CNTRL: variants seen among roughly 807,000 people sequenced by gnomAD.
CNTRL encodes the protein 110 kDa centrosomal protein.
CNTRL carries 233 observed loss-of-function variants against 303.7 expected under a neutral mutation model. The observed-to-expected ratio is 0.77, with a 90% CI of 0.69 to 0.86. CNTRL has a LOEUF of 0.86. Among genes scored for constraint, CNTRL ranks in the 40% least tolerant of loss-of-function variants. The probability of loss-of-function intolerance (pLI) is 0.00; values close to 1 mark genes in which losing one functional copy is unlikely to be tolerated. For synonymous variants in CNTRL, 900 were observed against 922.2 expected (o/e 0.98, Z 0.44); for missense variants, 2,524 against 2,650.6 (o/e 0.95, Z 1.05).
chr9:121,140,646 C>G lies in CNTRL; in HGVS notation c.2343C>G (p.Asp781Glu), dbSNP rs768193541. Residue 781 changes from aspartate to glutamate, a missense_variant, in exon 17 of 44, where the codon GAC (aspartate) becomes GAG (glutamate). Physicochemically the swap from Asp to Glu is conservative, Grantham distance 45 (BLOSUM62 2). Transcript: ENST00000373855. ...LHAKLKHLQD[D>E]NNLLKQQLKD... ...TATTTCATCCCCCTCCATAGGATGA[C>G]AATAATCTGTTAAAACAGCAACTTA... is the stretch of plus-strand genomic sequence containing the variant. The G allele has an allele frequency of 4.4e-6, 7 of 1,608,560 alleles. No individual in the cohort carries two copies. The highest frequency in any genetic ancestry group is 1.3e-5 in the African/African-American group (1 of 74,800).
chr9:121,171,699 T>A, intron 40 of CNTRL, 151 bp downstream of exon 40: 2 of 660,792 alleles, frequency 3.0e-6, no homozygotes, highest in Non-Finnish European at 4.6e-6. Context: ...TTTTTAGCCT[T>A]AAAATTTAGA....
At position 121,141,471 on chromosome 9, in the gene CNTRL, A is replaced by G. The variant is rs1212233668; in HGVS notation, c.2574A>G (p.Arg858=). The stretch of plus-strand genomic sequence containing the variant: ...TTCTTGCACGCTCCAAGTGGGAAAG[A>G]GATGAAGCACAAGTTAGAGAGAGAA... ...SEILARSKWE[R]DEAQVRERKL... Residue 858 remains arginine (R), a synonymous_variant, in exon 18 of 44, where the codon AGA becomes AGG. Coordinates refer to ENST00000373855, the MANE Select transcript of CNTRL (RefSeq NM_007018.6). The G allele has an allele frequency of 6.2e-7, 1 of 1,614,112 alleles. No individual in the cohort carries two copies. Among genetic ancestry groups the G allele is most frequent in the Middle Eastern group, 1.6e-4 (1 of 6,062 alleles).
Position 121,075,047 on chromosome 9 carries a change from G to A in CNTRL, c.-225G>A, listed in dbSNP as rs1373297629. On this transcript the variant is annotated 5_prime_UTR_variant, in exon 1 of 44. Transcript: ENST00000373855. ...CCGCTCTACCTCAGCCTGCGGGACT[G>A]CTCGGCTCGGCTTCTAGGCGGTGAG... is the stretch of plus-strand genomic sequence containing the variant. The A allele has an allele frequency of 2.3e-6, 1 of 431,798 alleles. No homozygotes were observed. Among genetic ancestry groups the A allele is most frequent in the Non-Finnish European group, 4.7e-6 (1 of 211,478 alleles). The allele number at this position is 431,798 out of a possible 1,614,324, so 26.7% of individuals were successfully genotyped here. A position where few individuals can be genotyped will look rare whatever the true frequency, so the allele number is the denominator to read the frequency against.
chr9:121,091,487 A>T (rs558460713), intron 4 of CNTRL, among the ~76,000 whole-genome samples: 29 of 152,332 alleles, frequency 1.9e-4, no homozygotes, highest in Middle Eastern at 3.4e-3. Flanking sequence ...AAATATTGAC[A>T]GATTTAGCCT....
intron 39 of CNTRL, among the ~76,000 whole-genome samples, chr9:121,170,136 G>A (rs1263007224): frequency 2.6e-5 from 4 of 152,042 alleles, no homozygotes; most frequent in Admixed American, 6.6e-5. Flanking sequence ...GGGTGTTGAA[G>A]AAGCCTTCTC....
intron 7 of CNTRL, among the ~76,000 whole-genome samples, chr9:121,104,924 G>A (rs942751050): frequency 6.6e-6 from 1 of 151,986 alleles, no homozygotes; most frequent in Non-Finnish European, 1.5e-5. Context: ...GGGTCAGGCT[G>A]GTCTTGAACT....
chr9:121,095,066 TAG>T lies in CNTRL; in HGVS notation c.479+53_479+54del, dbSNP rs2048832163. On this transcript the variant is annotated intron_variant, in intron 5 of 43. Transcript: ENST00000373855. Reference sequence around the variant, plus strand: ...TAGGCAGCATTGCAGATAGCTTTGTTAGAGAGGTAGATTAATGTTATCCACAT... The same window carrying T: ...TAGGCAGCATTGCAGATAGCTTTGTTAGAGGTAGATTAATGTTATCCACAT... 22 of 1,429,856 alleles carry T rather than the reference TAG, an allele frequency of 1.5e-5. No individual in the cohort carries two copies. In the East Asian group the frequency reaches 5.0e-4, roughly 33 times the overall value. 88.6% of individuals were successfully genotyped at this position (1,429,856 alleles called of 1,614,324 possible). A position where few individuals can be genotyped will look rare whatever the true frequency, so the allele number is the denominator to read the frequency against.
Position 121,088,313 on chromosome 9 carries a change from G to A in CNTRL, c.-14G>A. 2 of 1,536,810 alleles carry A rather than the reference G, an allele frequency of 1.3e-6. No individual in the cohort carries two copies. Among genetic ancestry groups the A allele is most frequent in the South Asian group, 1.1e-5 (1 of 89,008 alleles). The stretch of plus-strand genomic sequence containing the variant: ...TCTTACAGGTTTTGATGAACACCTG[G>A]CTTTATTCTTGCAATGAAGAAAGGT... On this transcript the variant is annotated 5_prime_UTR_variant, in exon 3 of 44. An upstream open reading frame in the 5' UTR gains an earlier in-frame stop. Transcript: ENST00000373855.
At chr9:121,135,041 C>T (rs1238847487) in intron 14 of CNTRL, among the ~76,000 whole-genome samples, 1 of 152,194 alleles carries the variant, frequency 6.6e-6, no homozygotes, top group South Asian at 2.1e-4. Flanking sequence ...TAGAAGTTCT[C>T]ATCGTAGAAT....
intron 7 of CNTRL, 71 bp from the exon 8 acceptor site, chr9:121,107,731 T>TG (rs1324616376): frequency 4.1e-6 from 4 of 984,168 alleles, no homozygotes; most frequent in Non-Finnish European, 5.8e-6. Context: ...CACTATTGTT[T>TG]GAGAAATATT....
intron 14 of CNTRL, 86 bp from the exon 15 acceptor site, chr9:121,135,720 A>G: frequency 7.8e-7 from 1 of 1,275,544 alleles, no homozygotes; most frequent in South Asian, 1.8e-5. Flanking sequence ...CATTTGGTTT[A>G]CAGTGCTCAA....
At chr9:121,086,660 A>T (rs1196384615) in intron 2 of CNTRL, among the ~76,000 whole-genome samples, 2 of 122,998 alleles carry the variant, frequency 1.6e-5, no homozygotes, top group East Asian at 2.5e-4. Context: ...TTTTTTCCTG[A>T]GATGGAGTCT....
rs1173292889 is a variant in CNTRL, at chr9:121,158,005, A to G, written c.4660A>G (p.Ile1554Val). ...TAGGCTTCAGAAACTACAGAAAGAC[A>G]TAGAGATGGCAGAACGCAATGAGGA... is the stretch of plus-strand genomic sequence containing the variant. ...TEELQKLQKD[I>V]EMAERNEDHH... The change falls in exon 30 of 44, where the codon ATA becomes GTA. Residue 1554 changes from isoleucine (I) to valine (V), a missense_variant. Physicochemically the swap from Ile to Val is conservative, Grantham distance 29 (BLOSUM62 3). Transcript: ENST00000373855. 6.2e-7 allele frequency: 1 copy of G among 1,614,168 alleles called. No homozygotes were observed. The highest frequency in any genetic ancestry group is 8.5e-7 in the Non-Finnish European group (1 of 1,180,022).
intron 14 of CNTRL, among the ~76,000 whole-genome samples, chr9:121,130,551 A>G (rs2050794106): frequency 6.6e-6 from 1 of 151,652 alleles, no homozygotes; most frequent in African/African-American, 2.4e-5. Context: ...CTAGCGGTCT[A>G]TCTATTTTGT....
At chr9:121,096,613 G>C in intron 6 of CNTRL, 50 bp downstream of exon 6, 1 of 1,315,250 alleles carries the variant, frequency 7.6e-7, no homozygotes, top group Non-Finnish European at 9.9e-7. Context: ...AAAAATAAAA[G>C]ATTAAAAATA....
chr9:121,078,981 G>A (rs2048036780), intron 1 of CNTRL, among the ~76,000 whole-genome samples: 1 of 152,062 alleles, frequency 6.6e-6, no homozygotes. Flanking sequence ...AGGCCTGATT[G>A]ATTACATCAT....
intron 14 of CNTRL, among the ~76,000 whole-genome samples, chr9:121,128,679 C>T (rs1477582205): frequency 6.6e-6 from 1 of 152,152 alleles, no homozygotes; most frequent in Non-Finnish European, 1.5e-5. Flanking sequence ...GCTTTTGTTG[C>T]CATTGCTTTT....
intron 41 of CNTRL, 29 bp downstream of exon 41, chr9:121,173,538 T>G: frequency 6.2e-7 from 1 of 1,610,594 alleles, no homozygotes; most frequent in Non-Finnish European, 8.5e-7. Flanking sequence ...ATTCTCTGGG[T>G]TCGTAGGATT....
intron 40 of CNTRL, among the ~76,000 whole-genome samples, chr9:121,172,944 T>C (rs7049084): frequency 0.026 from 3,945 of 152,290 alleles, 166 homozygotes; most frequent in African/African-American, 0.091. Flanking sequence ...GGAAATCAGA[T>C]TGGTAACTAG....
Sources: allele counts gnomAD v4.1 joint callset (sites outside exome capture counted in the v4.1 genomes callset), GRCh38; gene constraint gnomAD v4.1.1; transcripts MANE v1.5; gene names NCBI Gene and HGNC (gene_info 2026-07-23, HGNC 2026-07-21).